The following TMTC4 variants were observed in gnomAD, a reference collection of about 807,000 sequenced individuals.
TMTC4 encodes protein O-mannosyl-transferase TMTC4.
TMTC4 carries 65 observed loss-of-function variants against 86.0 expected under a neutral mutation model. That is an observed-to-expected ratio of 0.76 (90% CI 0.62 to 0.93). The LOEUF is 0.93. Ranked by LOEUF, TMTC4 falls within the 40% of genes least tolerant of loss-of-function variation. The probability of loss-of-function intolerance (pLI) is 0.00; values close to 1 mark genes in which losing one functional copy is unlikely to be tolerated. For synonymous variants in TMTC4, 379 were observed against 382.5 expected (o/e 0.99, Z 0.11); for missense variants, 866 against 948.1 (o/e 0.91, Z 1.14).
rs780404848 is a variant in TMTC4, at chr13:100,662,978, C to G, written c.538G>C (p.Val180Leu). Reference protein sequence around the residue: ...LAALLFAVHPVHTECVAGVVG... With the variant: ...LAALLFAVHPLHTECVAGVVG... ...ACGACACTTACACACTCGGTGTGCA[C>G]AGGATGGACAGCAAACAGCAGCGCG... The change falls in exon 5 of 19, where the codon GTG becomes CTG. Residue 180 changes from valine (V) to leucine (L), a missense_variant. Val to Leu is a conservative substitution (Grantham distance 32). Transcript: ENST00000342624. 2.5e-6 allele frequency: 4 copies of G among 1,613,814 alleles called. No individual in the cohort carries two copies. The highest frequency in any genetic ancestry group is 3.4e-6 in the Non-Finnish European group (4 of 1,180,024).
In TMTC4 at chr13:100,604,007, GAGA is replaced by G. The variant is rs1482373857; in HGVS notation, c.*984_*986del. 6.6e-6 allele frequency: 1 copy of G among 152,604 alleles called. No homozygotes were observed. The highest frequency in any genetic ancestry group is 2.4e-5 in the African/African-American group (1 of 41,432). The allele number at this position is 152,604 out of a possible 1,614,324, so 9.5% of individuals were successfully genotyped here. On this transcript the variant is annotated 3_prime_UTR_variant, in exon 19 of 19. Coordinates refer to ENST00000342624, the MANE Select transcript of TMTC4 (RefSeq NM_032813.5). ...TAAATCATTAGGTCAACAGCATACAGAGAAGAACAAAACAAAACATTGTTTGGA... is the reference window on the plus strand; with the variant it reads ...TAAATCATTAGGTCAACAGCATACAGAGAACAAAACAAAACATTGTTTGGA...
intron 17 of TMTC4, among the ~76,000 whole-genome samples, chr13:100,607,942 G>GA (rs1876923895): frequency 6.6e-6 from 1 of 152,080 alleles, no homozygotes; most frequent in South Asian, 2.1e-4. Context: ...GAAGGCTGCA[G>GA]AAAAAAAGTC....
At chr13:100,662,938 A>G in intron 5 of TMTC4, 26 bp downstream of exon 5, 2 of 1,612,166 alleles carry the variant, frequency 1.2e-6, no homozygotes, top group Non-Finnish European at 1.7e-6. Flanking sequence ...ACGTGCATAC[A>G]GATGCCTCGG....
In TMTC4 at chr13:100,656,391, T is replaced by C; in HGVS notation, c.630A>G (p.Ala210=). 3 of 1,612,288 alleles carry C rather than the reference T, an allele frequency of 1.9e-6. No individual in the cohort carries two copies. The highest frequency in any genetic ancestry group is 2.2e-5 in the South Asian group (2 of 90,676). ...FLLSFLGYCK[A]FRESNKEGAH... is the part of the protein sequence containing the mutation. The stretch of plus-strand genomic sequence containing the variant: ...AAACAGAATGCTTACTTTCTCTAAA[T>C]GCTTTACAGTAGCCAAGGAAAGATA... Residue 210 remains alanine (A), a synonymous_variant, in exon 6 of 19, where the codon GCA becomes GCG. Coordinates refer to ENST00000342624, the MANE Select transcript of TMTC4 (RefSeq NM_032813.5).
Position 100,629,880 on chromosome 13 carries a change from C to T in TMTC4, c.1507-3730G>A, listed in dbSNP as rs1381561672. On this transcript the variant is annotated intron_variant, in intron 12 of 18. Coordinates refer to ENST00000342624, the MANE Select transcript of TMTC4 (RefSeq NM_032813.5). ...ATATGTGTGCACAGAAGACACACCA[C>T]GTGAGGACACAGGGGGAAGGTGCCG... Among the ~76,000 whole-genome samples the T allele has an allele frequency of 2.6e-5, 4 of 152,184 alleles. No homozygotes were observed. The South Asian group carries it at 6.2e-4, about 24-fold the overall frequency.
rs753707504 is a variant in TMTC4 at position 100,626,105 on chromosome 13, T to C, written c.1552A>G (p.Thr518Ala). ...GKNLADKGNQ[T>A]AAIRYYREAV... ...TCCCGGTAGTATCTGATGGCAGCTG[T>C]CTGGTTGCCTTTATCAGCCAGGTTT... The change falls in exon 13 of 19, where the codon ACA becomes GCA. Residue 518 changes from threonine (T) to alanine (A), a missense_variant. Coordinates refer to ENST00000342624, the MANE Select transcript of TMTC4 (RefSeq NM_032813.5). 1 of 1,614,212 alleles carries C rather than the reference T, an allele frequency of 6.2e-7. No individual in the cohort carries two copies. Among genetic ancestry groups the C allele is most frequent in the South Asian group, 1.1e-5 (1 of 91,082 alleles).
At chr13:100,671,730 A>G (rs1439970111) in intron 1 of TMTC4, among the ~76,000 whole-genome samples, 1 of 151,838 alleles carries the variant, frequency 6.6e-6, no homozygotes. Context: ...CTGCTTCTCT[A>G]TCTCAGGGGG....
intron 1 of TMTC4, among the ~76,000 whole-genome samples, chr13:100,671,950 C>T (rs1351992985): frequency 6.6e-6 from 1 of 151,552 alleles, no homozygotes; most frequent in Admixed American, 6.6e-5. Flanking sequence ...GTGGTTGAGA[C>T]CAAAGGCTCT....
chr13:100,608,799 G>C (rs2153021559), intron 17 of TMTC4, among the ~76,000 whole-genome samples: 1 of 152,270 alleles, frequency 6.6e-6, no homozygotes, highest in South Asian at 2.1e-4. Flanking sequence ...TTTAGAGTTG[G>C]GGATATTTTT....
At chr13:100,645,944 C>CA (rs1883677834) in intron 6 of TMTC4, among the ~76,000 whole-genome samples, 1 of 152,058 alleles carries the variant, frequency 6.6e-6, no homozygotes, top group Non-Finnish European at 1.5e-5. Context: ...TGGTGACAAT[C>CA]AAAAATGTCA....
At chr13:100,618,086 T>A (rs1878796668) in intron 15 of TMTC4, among the ~76,000 whole-genome samples, 2 of 152,232 alleles carry the variant, frequency 1.3e-5, no homozygotes, top group Admixed American at 1.3e-4. Context: ...TATTTTATCC[T>A]TTTTATGGCT....
chr13:100,654,390 A>AAT (rs1307515820), intron 6 of TMTC4, among the ~76,000 whole-genome samples: 5 of 152,226 alleles, frequency 3.3e-5, no homozygotes, highest in Non-Finnish European at 5.9e-5. Context: ...ACTTACAGTT[A>AAT]ATATATTTAT....
chr13:100,649,081 T>TA (rs1884106612), intron 6 of TMTC4, among the ~76,000 whole-genome samples: 1 of 152,206 alleles, frequency 6.6e-6, no homozygotes, highest in Non-Finnish European at 1.5e-5. Flanking sequence ...TTTAATATTT[T>TA]AAAACCATTT....
chr13:100,614,481 C>A, intron 15 of TMTC4, 51 bp from the exon 16 acceptor site: 66 of 1,122,088 alleles, frequency 5.9e-5, no homozygotes, highest in Non-Finnish European at 7.9e-5. Flanking sequence ...CCTGCTTCCT[C>A]TTTCCAAGAC....
intron 15 of TMTC4, among the ~76,000 whole-genome samples, chr13:100,617,048 A>G (rs1878613391): frequency 6.6e-6 from 1 of 151,986 alleles, no homozygotes; most frequent in South Asian, 2.1e-4. Flanking sequence ...TTTTTGTTGC[A>G]ATTGCTTTTG....
rs58508488 is a variant in TMTC4, at chr13:100,616,062, A to ATT, written c.1837-1634_1837-1633dup. The stretch of plus-strand genomic sequence containing the variant: ...CATCCATGTTGCTGCAAAGGACATG[A>ATT]TTTTTTTTTTTTCGTATGGTTGTGT... On this transcript the variant is annotated intron_variant, in intron 15 of 18. Coordinates refer to ENST00000342624, the MANE Select transcript of TMTC4 (RefSeq NM_032813.5). Among the ~76,000 whole-genome samples, 61 of 146,894 alleles carry ATT rather than the reference A, an allele frequency of 4.2e-4. No homozygotes were observed. In the Middle Eastern group the frequency reaches 0.014, roughly 34 times the overall value.
intron 6 of TMTC4, among the ~76,000 whole-genome samples, chr13:100,643,896 T>C (rs1883361763): frequency 6.6e-6 from 1 of 152,128 alleles, no homozygotes; most frequent in Non-Finnish European, 1.5e-5. Flanking sequence ...GACAACTGGA[T>C]AGTGTAACAA....
chr13:100,663,185 A>G lies in TMTC4; in HGVS notation c.336-5T>C, dbSNP rs760057913. 1 of 1,614,148 alleles carries G rather than the reference A, an allele frequency of 6.2e-7. No individual in the cohort carries two copies. Among genetic ancestry groups the G allele is most frequent in the Non-Finnish European group, 8.5e-7 (1 of 1,179,980 alleles). The stretch of plus-strand genomic sequence containing the variant: ...CCCGAGAGGTAGTAGTTAATCCTGC[A>G]GAAACACAGGGTGTTCAGGGTACAC... On this transcript the variant is annotated splice_region_variant and splice_polypyrimidine_tract_variant and intron_variant, in intron 4 of 18. Transcript: ENST00000342624.
intron 5 of TMTC4, among the ~76,000 whole-genome samples, chr13:100,659,613 C>A (rs1885521775): frequency 2.0e-5 from 3 of 152,096 alleles, no homozygotes; most frequent in Non-Finnish European, 1.5e-5. Context: ...GAGCCACCAG[C>A]AGACCAGGGG....
Sources: gnomAD v4.1 joint callset for allele counts (sites outside exome capture counted in the v4.1 genomes callset) on GRCh38, gnomAD v4.1.1 for gene constraint, MANE v1.5 for transcripts, NCBI Gene and HGNC (gene_info 2026-07-23, HGNC 2026-07-21) for gene names.